ACO1: variants seen among roughly 807,000 people sequenced by gnomAD.
The protein encoded by ACO1 is cytoplasmic aconitate hydratase.
A neutral mutation model predicts 105.1 loss-of-function variants in ACO1; 78 were observed. That is an observed-to-expected ratio of 0.74 (90% CI 0.62 to 0.90). ACO1 has a LOEUF of 0.90. Among genes scored for constraint, ACO1 ranks in the 40% least tolerant of loss-of-function variants. The probability of loss-of-function intolerance (pLI) is 0.00; values close to 1 mark genes in which losing one functional copy is unlikely to be tolerated. For missense variants in ACO1, 965 were observed against 1,111.1 expected (o/e 0.87, Z 1.87); for synonymous variants, 364 against 397.4 (o/e 0.92, Z 1.00).
intron 20 of ACO1, among the ~76,000 whole-genome samples, chr9:32,449,365 C>A (rs1029090485): frequency 3.3e-5 from 5 of 152,120 alleles, no homozygotes. Flanking sequence ...GATGAGAGCT[C>A]AGGGATGTGA....
intron 19 of ACO1, among the ~76,000 whole-genome samples, chr9:32,442,545 TAAGCTTAATATC>T (rs1355141566): frequency 6.6e-6 from 1 of 150,462 alleles, no homozygotes; most frequent in African/African-American, 2.4e-5. Context: ...AAACATACTT[TAAGCTTAATATC>T]AAGACTATAT....
chr9:32,431,110 C>CAAACATTTA (rs1407114995), intron 14 of ACO1, among the ~76,000 whole-genome samples: 2 of 152,136 alleles, frequency 1.3e-5, no homozygotes, highest in Non-Finnish European at 2.9e-5. Context: ...TGCAGATTTG[C>CAAACATTTA]GTAGTCACTA....
intron 1 of ACO1, among the ~76,000 whole-genome samples, chr9:32,394,504 G>C (rs72561761): frequency 0.013 from 2,025 of 151,078 alleles, 20 homozygotes; most frequent in Non-Finnish European, 0.022. Flanking sequence ...CCAGGTCCCA[G>C]AAGTATCAAG....
chr9:32,408,307 A>G (rs1024892781), intron 3 of ACO1, among the ~76,000 whole-genome samples: 2 of 152,180 alleles, frequency 1.3e-5, no homozygotes, highest in Non-Finnish European at 2.9e-5. Context: ...GTACATAGAG[A>G]TACCACCCAG....
intron 1 of ACO1, among the ~76,000 whole-genome samples, chr9:32,405,020 C>T (rs1446461524): frequency 6.6e-6 from 1 of 152,222 alleles, no homozygotes; most frequent in African/African-American, 2.4e-5. Context: ...AGTTTCAGAA[C>T]TCCCAGAGAA....
intron 1 of ACO1, 146 bp from the exon 2 acceptor site, chr9:32,405,339 T>A: frequency 1.8e-6 from 1 of 553,772 alleles, no homozygotes; most frequent in Non-Finnish European, 3.2e-6. Context: ...TTTTTAACTA[T>A]TTTTTTTAAA....
chr9:32,411,507 A>C (rs1015075633), intron 4 of ACO1, among the ~76,000 whole-genome samples: 1 of 152,324 alleles, frequency 6.6e-6, no homozygotes, highest in African/African-American at 2.4e-5. Flanking sequence ...GCAAAGTGTT[A>C]ATATACTTAA....
At chr9:32,398,160 A>T (rs1821411181) in intron 1 of ACO1, among the ~76,000 whole-genome samples, 2 of 152,192 alleles carry the variant, frequency 1.3e-5, no homozygotes, top group African/African-American at 4.8e-5. Context: ...TGTCTGTATC[A>T]TAAGGTAATT....
intron 1 of ACO1, among the ~76,000 whole-genome samples, chr9:32,391,081 A>G (rs1029789192): frequency 1.4e-4 from 22 of 152,250 alleles, no homozygotes; most frequent in African/African-American, 3.4e-4. Flanking sequence ...GTCAATAGCA[A>G]TCTCATGAAT....
Position 32,430,594 on chromosome 9 carries a change from G to A in ACO1, c.1726+20G>A. ...CATTGGGTAAGATTTTGTTTGTGCA[G>A]CCATAATTTTTTTCCAGTGAATTCA... On this transcript the variant is annotated intron_variant, in intron 14 of 20. Transcript: ENST00000309951. 6.4e-7 allele frequency: 1 copy of A among 1,571,260 alleles called. No individual in the cohort carries two copies. The highest frequency in any genetic ancestry group is 8.6e-7 in the Non-Finnish European group (1 of 1,160,194).
intron 1 of ACO1, chr9:32,386,561 T>C (rs1304676559): frequency 1.3e-5 from 2 of 152,228 alleles, no homozygotes; most frequent in African/African-American, 4.8e-5. Flanking sequence ...CTCCCTTTTG[T>C]TCCTTCATCC....
Position 32,450,118 on chromosome 9 carries a change from T to C in ACO1, c.*7T>C. ...CCGCAAGATGGCCAAGTAGGAGACG[T>C]GCACTTGGTGCTGCGCCCAGGGAGG... On this transcript the variant is annotated 3_prime_UTR_variant, in exon 21 of 21. Transcript: ENST00000309951. 1 of 1,604,712 alleles carries C rather than the reference T, an allele frequency of 6.2e-7. No individual in the cohort carries two copies. The highest frequency in any genetic ancestry group is 8.5e-7 in the Non-Finnish European group (1 of 1,172,340).
At chr9:32,447,657 C>T (rs530893646) in intron 19 of ACO1, among the ~76,000 whole-genome samples, 3 of 152,148 alleles carry the variant, frequency 2.0e-5, no homozygotes, top group Non-Finnish European at 4.4e-5. Context: ...TTCTGGTTTT[C>T]GGAATGTTCA....
In ACO1 at chr9:32,450,404, A is replaced by ACGTT; in HGVS notation, c.*294_*297dup. ...TGTCTTTAAAGTTACTGATCACAGG[A>ACGTT]CGTTGCTTTTTCACTGTTTCCTATT... On this transcript the variant is annotated 3_prime_UTR_variant, in exon 21 of 21. Transcript: ENST00000309951. 2 of 433,866 alleles carry ACGTT rather than the reference A, an allele frequency of 4.6e-6. No individual in the cohort carries two copies. The highest frequency in any genetic ancestry group is 8.7e-6 in the Non-Finnish European group (2 of 229,024). 26.9% of individuals were successfully genotyped at this position (433,866 alleles called of 1,614,324 possible).
At chr9:32,399,302 T>C (rs1043497360) in intron 1 of ACO1, among the ~76,000 whole-genome samples, 1 of 152,166 alleles carries the variant, frequency 6.6e-6, no homozygotes, top group Non-Finnish European at 1.5e-5. Context: ...GACAGGCAGT[T>C]TACAAAAGAA....
At chr9:32,429,608 G>A in intron 13 of ACO1, 105 bp downstream of exon 13, 1 of 972,744 alleles carries the variant, frequency 1.0e-6, no homozygotes, top group Non-Finnish European at 1.6e-6. Context: ...CAGGGGATGT[G>A]GTTTAGAGTA....
Position 32,421,039 on chromosome 9 carries a change from GC to G in ACO1, c.970+15del. The G allele has an allele frequency of 6.2e-7, 1 of 1,607,692 alleles. No individual in the cohort carries two copies. The highest frequency in any genetic ancestry group is 1.1e-5 in the South Asian group (1 of 90,790). ...CCTGGTGCAAACAGGTAAGTGAAGG[GC>G]CCTGAAAGCATCGGGCTTTTTGTAA... On this transcript the variant is annotated intron_variant, in intron 8 of 20. Coordinates refer to ENST00000309951, the MANE Select transcript of ACO1 (RefSeq NM_002197.3).
rs1274913465 is a variant in ACO1 at position 32,407,426 on chromosome 9, T to G, written c.263T>G (p.Phe88Cys). ...FKPARVILQD[F>C]TGVPAVVDFA... ...CCTGCTCGTGTCATCCTGCAGGACT[T>G]TACGTGAGCCTAATGTCACTTCACT... The change falls in exon 3 of 21, where the codon TTT becomes TGT. Residue 88 changes from phenylalanine to cysteine, a missense_variant. Physicochemically the swap from Phe to Cys is radical, Grantham distance 205 (BLOSUM62 -2). Coordinates refer to ENST00000309951, the MANE Select transcript of ACO1 (RefSeq NM_002197.3). The G allele has an allele frequency of 3.7e-6, 6 of 1,611,862 alleles. No homozygotes were observed. The highest frequency in any genetic ancestry group is 2.5e-6 in the Non-Finnish European group (3 of 1,178,146).
chr9:32,433,624 G>A (rs1563944358), intron 15 of ACO1, 104 bp from the exon 16 acceptor site: 6 of 803,070 alleles, frequency 7.5e-6, no homozygotes, highest in Non-Finnish European at 1.2e-5. Flanking sequence ...GAATAAAAAT[G>A]GTTCTTAGTG....
Sources: gnomAD v4.1 joint callset for allele counts (sites outside exome capture counted in the v4.1 genomes callset) on GRCh38, gnomAD v4.1.1 for gene constraint, MANE v1.5 for transcripts, NCBI Gene and HGNC (gene_info 2026-07-23, HGNC 2026-07-21) for gene names.